CATSPERT: variants seen among roughly 807,000 people sequenced by gnomAD.
The protein encoded by CATSPERT is cation channel sperm-associated targeting subunit tau.
At chr2:201,491,348 A>G in the CATSPERT span, 1 of 1,537,714 alleles carries the variant, frequency 6.5e-7, no homozygotes, top group East Asian at 2.4e-5. Flanking sequence ...TCTATCTTAA[A>G]TAATTCTGGG....
the CATSPERT span, among the ~76,000 whole-genome samples, chr2:201,594,596 C>T: frequency 5.1e-4 from 77 of 152,164 alleles, 1 homozygote; most frequent in East Asian, 0.012. Context: ...TTCCATTCTC[C>T]CCGTCACTTT....
At chr2:201,593,555 T>C in the CATSPERT span, among the ~76,000 whole-genome samples, 76 of 5,330 alleles carry the variant, frequency 0.014, no homozygotes, top group Admixed American at 0.015. Flanking sequence ...TTCTGTCTCA[T>C]TGATCTAATG....
the CATSPERT span, among the ~76,000 whole-genome samples, chr2:201,544,538 C>A: frequency 1.7e-5 from 2 of 119,402 alleles, no homozygotes; most frequent in Non-Finnish European, 3.6e-5. Context: ...GCCACACTTT[C>A]TTTTTCACAC....
chr2:201,596,291 T>C, the CATSPERT span, among the ~76,000 whole-genome samples: 128 of 152,292 alleles, frequency 8.4e-4, no homozygotes, highest in African/African-American at 3.0e-3. Context: ...TGGATGGAGC[T>C]GGAGGCCATT....
At chr2:201,488,889 C>A in the CATSPERT span, among the ~76,000 whole-genome samples, 1 of 152,174 alleles carries the variant, frequency 6.6e-6, no homozygotes, top group African/African-American at 2.4e-5. Context: ...TTCCCTCTTA[C>A]GTACACAAGA....
the CATSPERT span, among the ~76,000 whole-genome samples, chr2:201,592,055 T>A: frequency 6.6e-6 from 1 of 152,080 alleles, no homozygotes; most frequent in Non-Finnish European, 1.5e-5. Context: ...GGCAACCCTG[T>A]CTTGTGCCAG....
At chr2:201,536,350 C>T in the CATSPERT span, 15 of 1,551,960 alleles carry the variant, frequency 9.7e-6, no homozygotes, top group East Asian at 1.8e-4. Flanking sequence ...AACAAACTAC[C>T]AGTTAATCAT....
At chr2:201,565,648 G>A in the CATSPERT span, 1 of 1,353,900 alleles carries the variant, frequency 7.4e-7, no homozygotes, top group Non-Finnish European at 9.6e-7. Context: ...GTCTCAAAGG[G>A]AGAAATTAAT....
At chr2:201,529,998 T>TA in the CATSPERT span, among the ~76,000 whole-genome samples, 1 of 152,076 alleles carries the variant, frequency 6.6e-6, no homozygotes. Context: ...ATAGATATAC[T>TA]AAAAATACTC....
the CATSPERT span, among the ~76,000 whole-genome samples, chr2:201,527,741 A>G: frequency 2.0e-5 from 3 of 152,168 alleles, no homozygotes; most frequent in African/African-American, 4.8e-5. Flanking sequence ...TCCTTTCACC[A>G]TCTACCAAAA....
the CATSPERT span, among the ~76,000 whole-genome samples, chr2:201,514,833 G>T: frequency 2.0e-5 from 3 of 152,232 alleles, no homozygotes; most frequent in African/African-American, 7.2e-5. Flanking sequence ...TGAACCATCT[G>T]TGAACCTGGT....
chr2:201,536,411 A>G, the CATSPERT span: 1 of 1,404,402 alleles, frequency 7.1e-7, no homozygotes, highest in Non-Finnish European at 9.5e-7. Context: ...AATCAATTGT[A>G]CCCTTATCCT....
the CATSPERT span, among the ~76,000 whole-genome samples, chr2:201,538,659 C>CT: frequency 3.3e-5 from 5 of 151,964 alleles, no homozygotes; most frequent in African/African-American, 9.7e-5. Context: ...AGATAGCAAA[C>CT]TTTTTTTATA....
the CATSPERT span, among the ~76,000 whole-genome samples, chr2:201,603,713 T>C: frequency 3.3e-5 from 5 of 152,298 alleles, no homozygotes; most frequent in South Asian, 1.0e-3. Flanking sequence ...GGCTATAACA[T>C]GCCAAGGACT....
chr2:201,521,288 T>C, the CATSPERT span, among the ~76,000 whole-genome samples: 1 of 152,162 alleles, frequency 6.6e-6, no homozygotes, highest in Non-Finnish European at 1.5e-5. Context: ...GGGTAATTTA[T>C]GAAGAAAAGA....
At chr2:201,591,644 A>T in the CATSPERT span, among the ~76,000 whole-genome samples, 277 of 152,080 alleles carry the variant, frequency 1.8e-3, no homozygotes, top group Non-Finnish European at 3.5e-3. Context: ...ATTTGTTTGT[A>T]TCCTCTTTTA....
At chr2:201,523,356 G>C in the CATSPERT span, among the ~76,000 whole-genome samples, 3 of 152,196 alleles carry the variant, frequency 2.0e-5, no homozygotes, top group Non-Finnish European at 2.9e-5. Context: ...CCCAGGGTTA[G>C]AGCACACAGC....
At chr2:201,575,311 C>G in the CATSPERT span, 2 of 1,592,454 alleles carry the variant, frequency 1.3e-6, no homozygotes, top group Non-Finnish European at 1.7e-6. Context: ...TGGACCTCTT[C>G]AATGAAGCAC....
the CATSPERT span, chr2:201,536,311 T>C: frequency 1.3e-6 from 2 of 1,590,788 alleles, no homozygotes; most frequent in South Asian, 1.1e-5. Context: ...TCAGAATCAT[T>C]ATCCAGTAAC....
Sources: allele counts gnomAD v4.1 joint callset (sites outside exome capture counted in the v4.1 genomes callset), GRCh38; gene constraint gnomAD v4.1.1; transcripts MANE v1.5; gene names NCBI Gene and HGNC (gene_info 2026-07-23, HGNC 2026-07-21).